The following NRXN1 variants were observed in gnomAD, a reference collection of about 807,000 sequenced individuals.
The protein encoded by NRXN1 is neurexin-1.
NRXN1 carries 39 observed loss-of-function variants against 150.9 expected under a neutral mutation model. The observed-to-expected ratio is 0.26, with a 90% CI of 0.20 to 0.34. NRXN1 has a LOEUF of 0.34. Among genes scored for constraint, NRXN1 ranks in the 10% least tolerant of loss-of-function variants. NRXN1 has a pLI of 1.00. For missense variants in NRXN1, 1,815 were observed against 1,949.9 expected (o/e 0.93, Z 1.30); for synonymous variants, 924 against 757.0 (o/e 1.22, Z -3.62).
At chr2:50,161,770 G>T (rs1370840139) in intron 18 of NRXN1, among the ~76,000 whole-genome samples, 3 of 152,014 alleles carry the variant, frequency 2.0e-5, no homozygotes, top group Non-Finnish European at 4.4e-5. Context: ...GAAGAATCTT[G>T]CTTATTTTTT....
chr2:50,701,924 C>T (rs1156945193), intron 5 of NRXN1, among the ~76,000 whole-genome samples: 3 of 152,082 alleles, frequency 2.0e-5, no homozygotes, highest in Non-Finnish European at 4.4e-5. Flanking sequence ...GATCTCAGTG[C>T]TTGTCCATTG....
chr2:50,164,874 G>A (rs576921666), intron 18 of NRXN1, among the ~76,000 whole-genome samples: 2 of 152,266 alleles, frequency 1.3e-5, no homozygotes, highest in African/African-American at 2.4e-5. Flanking sequence ...AGGGACACTG[G>A]CATGTCACTT....
intron 21 of NRXN1, among the ~76,000 whole-genome samples, chr2:49,961,112 AGCGAAAACTT>A (rs1675857163): frequency 6.6e-6 from 1 of 152,030 alleles, no homozygotes; most frequent in African/African-American, 2.4e-5. Context: ...CATGTTTTCT[AGCGAAAACTT>A]GCTGCAAATG....
At chr2:50,338,198 G>A (rs138559323) in intron 17 of NRXN1, among the ~76,000 whole-genome samples, 8 of 152,244 alleles carry the variant, frequency 5.3e-5, no homozygotes, top group East Asian at 3.9e-4. Context: ...TGACATCCAC[G>A]TGACAAATGA....
intron 19 of NRXN1, among the ~76,000 whole-genome samples, chr2:50,059,316 T>A (rs1039673807): frequency 6.6e-6 from 1 of 152,166 alleles, no homozygotes; most frequent in Non-Finnish European, 1.5e-5. Context: ...ATTTAGAGTA[T>A]CTGGTGAAAG....
chr2:50,224,762 T>C (rs1298479229), intron 18 of NRXN1, among the ~76,000 whole-genome samples: 3 of 147,408 alleles, frequency 2.0e-5, no homozygotes, highest in Admixed American at 6.8e-5. Flanking sequence ...GTAGTGGAGA[T>C]TGATCATCTC....
intron 18 of NRXN1, among the ~76,000 whole-genome samples, chr2:50,106,213 C>T (rs751132211): frequency 1.3e-5 from 2 of 151,846 alleles, no homozygotes; most frequent in South Asian, 2.1e-4. Flanking sequence ...TTATTACCAT[C>T]TTTTCTTTCT....
At chr2:50,688,390 A>C (rs932160857) in intron 5 of NRXN1, among the ~76,000 whole-genome samples, 1 of 152,094 alleles carries the variant, frequency 6.6e-6, no homozygotes, top group Non-Finnish European at 1.5e-5. Context: ...AACCCTCCCT[A>C]CAGAGCCCTC....
intron 18 of NRXN1, among the ~76,000 whole-genome samples, chr2:50,129,333 A>G (rs2152745365): frequency 6.6e-6 from 1 of 152,316 alleles, no homozygotes; most frequent in Admixed American, 6.5e-5. Flanking sequence ...ACATTCTTTC[A>G]CTGAAATTGG....
At chr2:50,681,301 A>G (rs1162813247) in intron 5 of NRXN1, among the ~76,000 whole-genome samples, 1 of 152,238 alleles carries the variant, frequency 6.6e-6, no homozygotes, top group East Asian at 1.9e-4. Flanking sequence ...ATTTGCTCAG[A>G]AGACTAGACC....
chr2:49,987,019 G>C (rs6713466), intron 21 of NRXN1, among the ~76,000 whole-genome samples: 9 of 151,694 alleles, frequency 5.9e-5, no homozygotes, highest in Admixed American at 5.3e-4. Context: ...GAGCCACTGC[G>C]TTCCAGCTTG....
intron 17 of NRXN1, among the ~76,000 whole-genome samples, chr2:50,285,579 C>A (rs1299696976): frequency 6.6e-6 from 1 of 152,158 alleles, no homozygotes; most frequent in Non-Finnish European, 1.5e-5. Context: ...GACCAAGAAT[C>A]ATTTTTTTTC....
intron 5 of NRXN1, among the ~76,000 whole-genome samples, chr2:50,859,662 A>C (rs1675817524): frequency 6.6e-6 from 1 of 151,820 alleles, no homozygotes; most frequent in South Asian, 2.1e-4. Flanking sequence ...AGATGTCAAC[A>C]AAAGGGTTTG....
chr2:50,561,958 A>G (rs1460418912), intron 8 of NRXN1, among the ~76,000 whole-genome samples: 1 of 152,232 alleles, frequency 6.6e-6, no homozygotes, highest in Non-Finnish European at 1.5e-5. Flanking sequence ...TTCTACTTCA[A>G]GCCAGCAGAT....
chr2:50,172,945 C>A (rs1574312132), intron 18 of NRXN1, among the ~76,000 whole-genome samples: 1 of 152,084 alleles, frequency 6.6e-6, no homozygotes, highest in East Asian at 1.9e-4. Flanking sequence ...CCAGCCTGGG[C>A]AACAGAGGGA....
Position 50,832,207 on chromosome 2 carries a change from A to C in NRXN1, c.832+89662T>G, listed in dbSNP as rs373413757. ...AAGAGGGATGGGCATATATGAAAAA[A>C]AGTCAGACAAAAATAATCTATAGAG... On this transcript the variant is annotated intron_variant, in intron 5 of 22. Coordinates refer to ENST00000401669, the MANE Select transcript of NRXN1 (RefSeq NM_001330078.2). 1.5e-4 allele frequency among the ~76,000 whole-genome samples: 23 copies of C among 152,280 alleles called. No homozygotes were observed. In the East Asian group the frequency reaches 4.1e-3, roughly 27 times the overall value.
At chr2:50,334,192 A>AATTTTATATATATATAT (rs57808424) in intron 17 of NRXN1, among the ~76,000 whole-genome samples, 56 of 118,952 alleles carry the variant, frequency 4.7e-4, no homozygotes, top group African/African-American at 7.3e-4. Flanking sequence ...ACCAGGACCA[A>AATTTTATATATATATAT]ATATATATAT....
chr2:50,535,719 T>C (rs2093240370), intron 10 of NRXN1, among the ~76,000 whole-genome samples: 2 of 152,132 alleles, frequency 1.3e-5, no homozygotes. Context: ...AACAAAATAC[T>C]CTCTTCTTGT....
chr2:50,574,065 C>T (rs1671049262), intron 8 of NRXN1, among the ~76,000 whole-genome samples: 1 of 151,992 alleles, frequency 6.6e-6, no homozygotes, highest in Admixed American at 6.6e-5. Flanking sequence ...ACAGTTTTTC[C>T]CAGGACTGGG....
Sources: allele counts gnomAD v4.1 joint callset (sites outside exome capture counted in the v4.1 genomes callset), GRCh38; gene constraint gnomAD v4.1.1; transcripts MANE v1.5; gene names NCBI Gene and HGNC (gene_info 2026-07-23, HGNC 2026-07-21).